Variants in DUXA observed in about 807,000 individuals in gnomAD.
DUXA encodes the protein double homeobox A, also known as double homeobox protein A.
Under a neutral mutation model 27.5 loss-of-function variants are expected in DUXA, and 25 were observed. That is an observed-to-expected ratio of 0.91 (90% confidence interval 0.66 to 1.27). The LOEUF (loss-of-function observed/expected upper bound fraction) is 1.27. Ranked by LOEUF, DUXA falls within the 50% of genes most tolerant of loss-of-function variation. The probability of loss-of-function intolerance (pLI) is 0.00; values close to 1 mark genes in which losing one functional copy is unlikely to be tolerated. For missense variants in DUXA, 247 were observed against 242.9 expected, an observed-to-expected ratio of 1.02 and a Z score of -0.11; for synonymous variants, 90 against 80.5, an observed-to-expected ratio of 1.12 and a Z score of -0.63.
chr19:57,166,775 T>C (rs1034870252), intron 1 of DUXA, among the ~76,000 whole-genome samples: 13 of 152,240 alleles, frequency 8.5e-5, no homozygotes, highest in African/African-American at 2.2e-4. Context: ...AATATTTGAA[T>C]GTTAAAGCCA....
At chr19:57,161,446 A>C (rs1160689754) in intron 1 of DUXA, among the ~76,000 whole-genome samples, 1 of 149,908 alleles carries the variant, frequency 6.7e-6, no homozygotes, top group African/African-American at 2.5e-5. Context: ...ACATGATGAA[A>C]CCCCGTCTCT....
intron 1 of DUXA, among the ~76,000 whole-genome samples, chr19:57,163,337 G>A (rs917800467): frequency 2.0e-5 from 3 of 152,064 alleles, no homozygotes; most frequent in Admixed American, 1.3e-4. Context: ...TGTAGAGATG[G>A]CCTTTCCCTA....
At chr19:57,165,965 A>AG (rs1210234199) in intron 1 of DUXA, among the ~76,000 whole-genome samples, 1 of 152,148 alleles carries the variant, frequency 6.6e-6, no homozygotes, top group African/African-American at 2.4e-5. Flanking sequence ...TCAAGTGGCA[A>AG]GAGTAGAGAG....
chr19:57,158,149 A>C (rs2087001479), intron 4 of DUXA, among the ~76,000 whole-genome samples, 179 bp downstream of exon 4: 1 of 152,158 alleles, frequency 6.6e-6, no homozygotes, highest in Non-Finnish European at 1.5e-5. Flanking sequence ...AAATACCAGA[A>C]GGGGATGTGA....
intron 1 of DUXA, among the ~76,000 whole-genome samples, chr19:57,161,367 T>G (rs2087021007): frequency 7.4e-6 from 1 of 134,652 alleles, no homozygotes; most frequent in South Asian, 2.5e-4. Context: ...CTCACACCTG[T>G]AATCCCAGCA....
In DUXA at chr19:57,155,321, G is replaced by A. The variant is rs749793051; in HGVS notation, c.490C>T (p.Pro164Ser). 6.2e-6 allele frequency: 10 copies of A among 1,614,070 alleles called. No individual in the cohort carries two copies. The highest frequency in any genetic ancestry group is 1.7e-5 in the Admixed American group (1 of 59,996). Reference sequence around the variant, plus strand: ...TCTTCTTGTTCTAAGGACGCCACAGGTTCCCTTTTTCTCTGGAGAAGTAAT... The same window carrying A: ...TCTTCTTGTTCTAAGGACGCCACAGATTCCCTTTTTCTCTGGAGAAGTAAT... ...SRLLLQRKRE[P>S]VASLEQEEQG... Residue 164 changes from proline to serine, a missense_variant, in exon 5 of 6, where the codon CCT becomes TCT. Transcript: ENST00000554048.
intron 4 of DUXA, among the ~76,000 whole-genome samples, chr19:57,157,434 T>C (rs1177363088): frequency 6.6e-6 from 1 of 151,948 alleles, no homozygotes; most frequent in Non-Finnish European, 1.5e-5. Flanking sequence ...CAGATTCAAG[T>C]GATTCTCCTC....
chr19:57,163,223 C>T (rs531044526), intron 1 of DUXA, among the ~76,000 whole-genome samples: 2 of 152,242 alleles, frequency 1.3e-5, no homozygotes, highest in South Asian at 4.1e-4. Flanking sequence ...AGCTTGCACA[C>T]CATCTTCTCA....
intron 4 of DUXA, among the ~76,000 whole-genome samples, chr19:57,157,282 G>A (rs1013544341): frequency 1.3e-5 from 2 of 152,106 alleles, no homozygotes; most frequent in Non-Finnish European, 2.9e-5. Flanking sequence ...TGAATCCTCG[G>A]ACAGACTGGT....
At position 57,154,453 on chromosome 19, in the gene DUXA, A is replaced by C; in HGVS notation, c.574T>G (p.Phe192Val). Residue 192 changes from phenylalanine to valine, a missense_variant, in exon 6 of 6, where the codon TTC becomes GTC. Transcript: ENST00000554048. ...CCAGAGAAATGAGAGTCACTAGTGA[A>C]GTTGGTGCCATTTTGTGTATCTTCT... is the stretch of plus-strand genomic sequence containing the variant. The part of the protein sequence containing the change: ...GAEDTQNGTN[F>V]TSDSHFSGAR... 6.2e-7 allele frequency: 1 copy of C among 1,613,818 alleles called. No homozygotes were observed.
chr19:57,156,593 T>C (rs2086994187), intron 4 of DUXA, among the ~76,000 whole-genome samples: 1 of 152,056 alleles, frequency 6.6e-6, no homozygotes, highest in Admixed American at 6.6e-5. Context: ...CATAGAGTTG[T>C]GGTCTCCCTG....
At chr19:57,155,511 T>C (rs1013738899) in intron 4 of DUXA, 139 bp from the exon 5 acceptor site, 2 of 661,110 alleles carry the variant, frequency 3.0e-6, no homozygotes, top group African/African-American at 1.8e-5. Context: ...CTGTGCATCA[T>C]CACCTTAGGC....
chr19:57,160,975 A>G (rs1391018891), intron 1 of DUXA, among the ~76,000 whole-genome samples, 178 bp from the exon 2 acceptor site: 4 of 152,076 alleles, frequency 2.6e-5, no homozygotes, highest in Non-Finnish European at 4.4e-5. Flanking sequence ...CAACTTCTTT[A>G]GCTCATCTGA....
At position 57,154,311 on chromosome 19, in the gene DUXA, G is replaced by T; in HGVS notation, c.*101C>A. On this transcript the variant is annotated 3_prime_UTR_variant, in exon 6 of 6. Transcript: ENST00000554048. The stretch of plus-strand genomic sequence containing the variant: ...CCAAGTCCTTTACCATCTTCAGAAG[G>T]CTTAGCTTGCAGTTTCAGCAGAAGG... The T allele has an allele frequency of 9.0e-7, 1 of 1,110,254 alleles. No homozygotes were observed. The highest frequency in any genetic ancestry group is 1.3e-6 in the Non-Finnish European group (1 of 746,306). 68.8% of individuals were successfully genotyped at this position (1,110,254 alleles called of 1,614,324 possible). A position where few individuals can be genotyped will look rare whatever the true frequency, so the allele number is the denominator to read the frequency against.
intron 3 of DUXA, 52 bp from the exon 4 acceptor site, chr19:57,158,525 G>T (rs1426404551): frequency 6.3e-7 from 1 of 1,592,362 alleles, no homozygotes; most frequent in East Asian, 2.3e-5. Context: ...TATTGCAAGG[G>T]TCCATTCACA....
intron 1 of DUXA, among the ~76,000 whole-genome samples, chr19:57,163,332 A>G (rs755457213): frequency 2.0e-4 from 31 of 152,144 alleles, no homozygotes; most frequent in Middle Eastern, 3.4e-3. Flanking sequence ...TGTTTTGTAG[A>G]GATGGCCTTT....
In DUXA at chr19:57,154,388, C is replaced by CTT; in HGVS notation, c.*23_*24insAA. The CTT allele has an allele frequency of 6.2e-7, 1 of 1,607,942 alleles. No homozygotes were observed. On this transcript the variant is annotated 3_prime_UTR_variant, in exon 6 of 6. Transcript: ENST00000554048. ...AGATTTGGGGTCCAGTTGATATTAT[C>CTT]AAGTACACTGAATTTGACTGTGTTC... is the stretch of plus-strand genomic sequence containing the variant.
rs577014615 is a variant in DUXA at position 57,154,113 on chromosome 19, C to T, written c.*299G>A. 6.1e-5 allele frequency: 18 copies of T among 293,234 alleles called. No individual in the cohort carries two copies. In the South Asian group the frequency reaches 7.3e-4, roughly 12 times the overall value. 18.2% of individuals were successfully genotyped at this position (293,234 alleles called of 1,614,324 possible). ...GTGTCAACAGGGTAGTGTGGTACCC[C>T]CTGTACCCGTCTCTGCCTCCTACAG... On this transcript the variant is annotated 3_prime_UTR_variant, in exon 6 of 6. Transcript: ENST00000554048.
At chr19:57,154,699 G>T (rs1354638483) in intron 5 of DUXA, among the ~76,000 whole-genome samples, 3 of 152,046 alleles carry the variant, frequency 2.0e-5, no homozygotes, top group Non-Finnish European at 4.4e-5. Flanking sequence ...GAGTAGCTGG[G>T]ACTACAGGCG....
Sources: gnomAD v4.1 joint callset for allele counts (sites outside exome capture counted in the v4.1 genomes callset) on GRCh38, gnomAD v4.1.1 for gene constraint, MANE v1.5 for transcripts, NCBI Gene and HGNC (gene_info 2026-07-23, HGNC 2026-07-21) for gene names.